The following FUT8 variants were observed in gnomAD, a reference collection of about 807,000 sequenced individuals.
The protein encoded by FUT8 is fucosyltransferase 8.
FUT8 carries 29 observed loss-of-function variants against 71.3 expected under a neutral mutation model. That is an observed-to-expected ratio of 0.41 (90% CI 0.30 to 0.55). The LOEUF is 0.55. Among genes scored for constraint, FUT8 ranks in the 20% least tolerant of loss-of-function variants. The pLI, the probability that FUT8 is intolerant of heterozygous loss-of-function variation, is 0.34. For missense variants in FUT8, 544 were observed against 702.1 expected (o/e 0.77, Z 2.55); for synonymous variants, 254 against 239.3 (o/e 1.06, Z -0.57).
chr14:65,406,155 T>C (rs962433326), upstream of FUT8, among the ~76,000 whole-genome samples: 12 of 152,198 alleles, frequency 7.9e-5, no homozygotes, highest in Admixed American at 2.0e-4. Context: ...ATAAAAATGG[T>C]TTAGCTATGA....
chr14:65,450,710 A>G (rs1272613971), intron 1 of FUT8, among the ~76,000 whole-genome samples: 1 of 151,834 alleles, frequency 6.6e-6, no homozygotes, highest in African/African-American at 2.4e-5. Context: ...GATATTGTTT[A>G]TTCTTTGGAT....
At chr14:65,527,371 G>T (rs1883560699) in intron 2 of FUT8, among the ~76,000 whole-genome samples, 1 of 152,128 alleles carries the variant, frequency 6.6e-6, no homozygotes, top group Non-Finnish European at 1.5e-5. Flanking sequence ...ACTGAAGCTT[G>T]TGCATGTGTC....
chr14:65,712,598 C>G (rs998922767), intron 7 of FUT8, among the ~76,000 whole-genome samples: 1 of 152,092 alleles, frequency 6.6e-6, no homozygotes, highest in African/African-American at 2.4e-5. Flanking sequence ...GCATGTGCCA[C>G]CACACCCGGC....
intron 2 of FUT8, among the ~76,000 whole-genome samples, chr14:65,477,088 A>G (rs1038438193): frequency 6.6e-6 from 1 of 152,120 alleles, no homozygotes; most frequent in Non-Finnish European, 1.5e-5. Context: ...GTGGACAGTT[A>G]TGGCCATCAG....
intron 2 of FUT8, among the ~76,000 whole-genome samples, chr14:65,480,132 A>G (rs2066307226): frequency 6.6e-6 from 1 of 152,006 alleles, no homozygotes; most frequent in Non-Finnish European, 1.5e-5. Flanking sequence ...GGGATTCTTT[A>G]TCTTTGTGTC....
At chr14:65,372,680 G>A in the FUT8 span, among the ~76,000 whole-genome samples, 1 of 152,192 alleles carries the variant, frequency 6.6e-6, no homozygotes, top group Admixed American at 6.5e-5. Flanking sequence ...GCCTTCCAAA[G>A]TGCTGGGATT....
intron 2 of FUT8, among the ~76,000 whole-genome samples, chr14:65,466,487 T>C (rs139207851): frequency 0.014 from 2,068 of 152,320 alleles, 43 homozygotes; most frequent in East Asian, 0.093. Context: ...TGGTTGCTCA[T>C]GCCTGTAATC....
intron 3 of FUT8, among the ~76,000 whole-genome samples, chr14:65,599,905 G>A (rs541848556): frequency 1.3e-5 from 2 of 152,236 alleles, no homozygotes; most frequent in South Asian, 2.1e-4. Context: ...CAAAAATTCA[G>A]TAATCTGCTG....
At chr14:65,636,952 A>G (rs776259585) in intron 6 of FUT8, among the ~76,000 whole-genome samples, 1 of 152,238 alleles carries the variant, frequency 6.6e-6, no homozygotes, top group African/African-American at 2.4e-5. Context: ...ATAGACAAGT[A>G]TGCTATCAGG....
At chr14:65,633,327 G>T (rs1300858894) in intron 6 of FUT8, among the ~76,000 whole-genome samples, 1 of 152,208 alleles carries the variant, frequency 6.6e-6, no homozygotes, top group Non-Finnish European at 1.5e-5. Flanking sequence ...AGTGCTCAGT[G>T]GTGCCCAGGC....
In FUT8 at chr14:65,492,683, C is replaced by T. The variant is rs546735150; in HGVS notation, c.-228+36965C>T. On this transcript the variant is annotated intron_variant, in intron 2 of 10. Coordinates refer to ENST00000673929, the MANE Select transcript of FUT8 (RefSeq NM_001371533.1). Reference sequence around the variant, plus strand: ...TTTATCAAGTACCTAATATGTCAGACGCAGTGTTGTAGACTTTAGATTTCA... The same window carrying T: ...TTTATCAAGTACCTAATATGTCAGATGCAGTGTTGTAGACTTTAGATTTCA... Among the ~76,000 whole-genome samples, 22 of 152,030 alleles carry T rather than the reference C, an allele frequency of 1.4e-4. No individual in the cohort carries two copies. The South Asian group carries it at 1.7e-3, about 12-fold the overall frequency.
At chr14:65,614,449 A>T (rs1889175356) in intron 3 of FUT8, among the ~76,000 whole-genome samples, 1 of 152,252 alleles carries the variant, frequency 6.6e-6, no homozygotes. Context: ...CACAAACTTT[A>T]TGGCTTAAAA....
intron 7 of FUT8, among the ~76,000 whole-genome samples, chr14:65,716,711 C>T (rs1895079908): frequency 6.6e-6 from 1 of 152,170 alleles, no homozygotes; most frequent in Non-Finnish European, 1.5e-5. Flanking sequence ...AAACCACCAT[C>T]ATCATCATGG....
chr14:65,644,230 TTATGAA>T (rs1376200194), intron 6 of FUT8, among the ~76,000 whole-genome samples: 1 of 152,134 alleles, frequency 6.6e-6, no homozygotes, highest in African/African-American at 2.4e-5. Context: ...GGTGCTGTCT[TTATGAA>T]AAGGAATACA....
intron 2 of FUT8, among the ~76,000 whole-genome samples, chr14:65,502,943 A>G (rs113482744): frequency 7.2e-5 from 11 of 152,218 alleles, no homozygotes; most frequent in African/African-American, 2.7e-4. Flanking sequence ...TCCCTAGACC[A>G]GACTTTTTTA....
intron 7 of FUT8, among the ~76,000 whole-genome samples, chr14:65,690,147 T>G (rs1462312692): frequency 2.6e-5 from 4 of 152,236 alleles, no homozygotes; most frequent in Non-Finnish European, 5.9e-5. Context: ...CTATCTTTTC[T>G]CCATTGGATT....
intron 6 of FUT8, among the ~76,000 whole-genome samples, chr14:65,645,599 C>G (rs145076306): frequency 1.3e-5 from 2 of 152,156 alleles, no homozygotes; most frequent in Non-Finnish European, 2.9e-5. Flanking sequence ...AAGCTTGTGC[C>G]GTTTAGACAG....
In FUT8 at chr14:65,724,420, T is replaced by C; in HGVS notation, c.1259+97T>C. 2.4e-5 allele frequency: 17 copies of C among 709,336 alleles called. No individual in the cohort carries two copies. The South Asian group carries it at 3.2e-4, about 13-fold the overall frequency. 43.9% of individuals were successfully genotyped at this position (709,336 alleles called of 1,614,324 possible). On this transcript the variant is annotated intron_variant, in intron 9 of 10. Transcript: ENST00000673929. ...GACTTGTGATTTTTGTATATTATTATTGCTAATTATTAGGGTTTTAAAAAT... is the reference window on the plus strand; with the variant it reads ...GACTTGTGATTTTTGTATATTATTACTGCTAATTATTAGGGTTTTAAAAAT...
chr14:65,619,817 T>C (rs554760192), intron 5 of FUT8, among the ~76,000 whole-genome samples: 1 of 152,234 alleles, frequency 6.6e-6, no homozygotes, highest in East Asian at 1.9e-4. Flanking sequence ...AATATACTTG[T>C]AGCTTTTGAT....
Sources: allele counts gnomAD v4.1 joint callset (sites outside exome capture counted in the v4.1 genomes callset), GRCh38; gene constraint gnomAD v4.1.1; transcripts MANE v1.5; gene names NCBI Gene and HGNC (gene_info 2026-07-23, HGNC 2026-07-21).